The following VCF1 variants were observed in gnomAD, a reference collection of about 807,000 sequenced individuals.
The protein encoded by VCF1 is protein VCF1.
chr17:73,215,281 T>C, the VCF1 span, among the ~76,000 whole-genome samples: 4 of 152,348 alleles, frequency 2.6e-5, no homozygotes, highest in Non-Finnish European at 4.4e-5. Context: ...GAATTACCTA[T>C]GGGCTTTTTA....
chr17:73,212,311 C>CA, the VCF1 span, among the ~76,000 whole-genome samples: 1 of 152,140 alleles, frequency 6.6e-6, no homozygotes, highest in Non-Finnish European at 1.5e-5. Flanking sequence ...GCAATGTTCA[C>CA]AAAGCTGCCA....
the VCF1 span, among the ~76,000 whole-genome samples, chr17:73,216,210 G>A: frequency 1.3e-5 from 2 of 152,276 alleles, no homozygotes; most frequent in African/African-American, 4.8e-5. Flanking sequence ...GAGGACTGTG[G>A]AAATGACAAG....
At chr17:73,210,525 A>G in the VCF1 span, among the ~76,000 whole-genome samples, 1 of 151,898 alleles carries the variant, frequency 6.6e-6, no homozygotes, top group East Asian at 1.9e-4. Context: ...TCACTTTCAG[A>G]AATTCCCGCC....
At chr17:73,224,870 GACAGGACAGCACAGC>G in the VCF1 span, among the ~76,000 whole-genome samples, 1 of 46,488 alleles carries the variant, frequency 2.2e-5, no homozygotes, top group African/African-American at 7.3e-5. Flanking sequence ...GACAGCACAG[GACAGGACAGCACAGC>G]ACAGGACAGG....
At chr17:73,209,101 T>G in the VCF1 span, 1 of 189,422 alleles carries the variant, frequency 5.3e-6, no homozygotes, top group South Asian at 1.0e-4. Flanking sequence ...AAAACTTATG[T>G]TTTTTCATGG....
the VCF1 span, chr17:73,208,387 A>C: frequency 6.2e-7 from 1 of 1,614,150 alleles, no homozygotes. Flanking sequence ...CTTGTCAGTG[A>C]AGAAGACAAC....
chr17:73,222,019 G>C, the VCF1 span, among the ~76,000 whole-genome samples: 2 of 126,628 alleles, frequency 1.6e-5, no homozygotes, highest in South Asian at 5.4e-4. Context: ...CCTGGGGAAA[G>C]AGCGAGACTC....
the VCF1 span, among the ~76,000 whole-genome samples, chr17:73,223,464 G>C: frequency 6.6e-6 from 1 of 152,178 alleles, no homozygotes; most frequent in South Asian, 2.1e-4. Flanking sequence ...TAGGAAAGAA[G>C]AGGCAGATAC....
At chr17:73,224,924 G>GAACA in the VCF1 span, among the ~76,000 whole-genome samples, 1 of 150,126 alleles carries the variant, frequency 6.7e-6, no homozygotes. Context: ...GGACAGGACA[G>GAACA]GACAGGACAG....
the VCF1 span, among the ~76,000 whole-genome samples, chr17:73,220,455 T>C: frequency 6.6e-6 from 1 of 152,172 alleles, no homozygotes; most frequent in African/African-American, 2.4e-5. Context: ...TTTTTTGTTT[T>C]TTATTTTGAG....
the VCF1 span, among the ~76,000 whole-genome samples, chr17:73,220,901 T>TA: frequency 3.7e-5 from 5 of 135,844 alleles, no homozygotes; most frequent in African/African-American, 5.6e-5. Context: ...TAGATTTTTT[T>TA]TTTTTTTTTT....
chr17:73,224,794 G>A, the VCF1 span, among the ~76,000 whole-genome samples: 1 of 152,064 alleles, frequency 6.6e-6, no homozygotes, highest in South Asian at 2.1e-4. Flanking sequence ...CTTGTTACTT[G>A]TTAATACCAC....
the VCF1 span, chr17:73,207,791 GTCT>G: frequency 1.6e-6 from 2 of 1,287,590 alleles, no homozygotes; most frequent in South Asian, 2.5e-5. Context: ...CAAACAGCTT[GTCT>G]TCTTACAGCA....
the VCF1 span, among the ~76,000 whole-genome samples, chr17:73,224,816 A>G: frequency 7.1e-6 from 1 of 140,966 alleles, no homozygotes; most frequent in South Asian, 2.3e-4. Context: ...GCCAGGAAGC[A>G]CAGCGCAGCA....
At chr17:73,207,617 T>G in the VCF1 span, 191 of 1,056,650 alleles carry the variant, frequency 1.8e-4, 3 homozygotes, top group African/African-American at 2.7e-3. Flanking sequence ...TGGTTTTATC[T>G]TCCCTTTTAG....
the VCF1 span, among the ~76,000 whole-genome samples, chr17:73,221,189 GC>G: frequency 1 from 151,421 of 151,432 alleles, 75,705 homozygotes; most frequent in Middle Eastern, 1. Context: ...GAGCCACCGG[GC>G]CCCAGCCAAA....
the VCF1 span, among the ~76,000 whole-genome samples, chr17:73,224,972 C>CAGCACAGCACAGCAT: frequency 2.0e-5 from 1 of 49,206 alleles, no homozygotes; most frequent in East Asian, 7.9e-4. Flanking sequence ...CAGCACAGCA[C>CAGCACAGCACAGCAT]AGCACAGCAC....
chr17:73,208,542 A>G, the VCF1 span: 5 of 1,451,020 alleles, frequency 3.4e-6, no homozygotes, highest in Non-Finnish European at 4.8e-6. Flanking sequence ...AGCCACACCA[A>G]TCTTTCCAGT....
chr17:73,208,044 T>C, the VCF1 span: 1 of 1,362,316 alleles, frequency 7.3e-7, no homozygotes. Flanking sequence ...CTGCCCACAT[T>C]AGGTTAGCAG....
Sources: allele counts gnomAD v4.1 joint callset (sites outside exome capture counted in the v4.1 genomes callset), GRCh38; gene constraint gnomAD v4.1.1; transcripts MANE v1.5; gene names NCBI Gene and HGNC (gene_info 2026-07-23, HGNC 2026-07-21).